The following QTGAL variants were observed in gnomAD, a reference collection of about 807,000 sequenced individuals.
The protein encoded by QTGAL is BGnT-like protein 1.
At chr17:83,028,533 A>G in the QTGAL span, among the ~76,000 whole-genome samples, 1 of 150,912 alleles carries the variant, frequency 6.6e-6, no homozygotes, top group African/African-American at 2.4e-5. Context: ...AAAAAAAAAA[A>G]AAAAAGAAAA....
chr17:82,982,771 C>T, the QTGAL span, among the ~76,000 whole-genome samples: 1 of 152,152 alleles, frequency 6.6e-6, no homozygotes, highest in African/African-American at 2.4e-5. Flanking sequence ...ATGGGACCCT[C>T]GATGTCCTGA....
chr17:83,013,585 G>A, the QTGAL span, among the ~76,000 whole-genome samples: 501 of 151,726 alleles, frequency 3.3e-3, 4 homozygotes, highest in African/African-American at 0.011. Context: ...TCCCAGCGCC[G>A]TGTGGGCCAG....
the QTGAL span, among the ~76,000 whole-genome samples, chr17:82,969,802 C>T: frequency 1.3e-5 from 2 of 152,146 alleles, no homozygotes. Flanking sequence ...GCCTCAGCCT[C>T]CTGAGAAGAT....
chr17:83,013,627 G>C, the QTGAL span, among the ~76,000 whole-genome samples: 1 of 151,676 alleles, frequency 6.6e-6, no homozygotes, highest in South Asian at 2.1e-4. Flanking sequence ...TCTGTGACCT[G>C]ACCAGGATGT....
the QTGAL span, chr17:82,946,841 GAAAC>G: frequency 5.5e-6 from 8 of 1,463,620 alleles, no homozygotes; most frequent in East Asian, 5.0e-5. Flanking sequence ...ACATAATAAA[GAAAC>G]AAACCCAGAT....
chr17:82,995,913 C>G, the QTGAL span, among the ~76,000 whole-genome samples: 1 of 151,334 alleles, frequency 6.6e-6, no homozygotes, highest in Non-Finnish European at 1.5e-5. Flanking sequence ...TTAACTCAAC[C>G]AAAGGAGTGA....
chr17:83,024,027 G>A, the QTGAL span, among the ~76,000 whole-genome samples: 10 of 152,192 alleles, frequency 6.6e-5, no homozygotes, highest in South Asian at 2.1e-4. Flanking sequence ...CTCTAACACC[G>A]GAGATGCCAG....
chr17:83,026,065 G>T, the QTGAL span, among the ~76,000 whole-genome samples: 1 of 152,202 alleles, frequency 6.6e-6, no homozygotes, highest in African/African-American at 2.4e-5. Context: ...ACTTTTCACA[G>T]AAAAGAAAAC....
At chr17:83,048,610 G>T in the QTGAL span, 1 of 1,605,332 alleles carries the variant, frequency 6.2e-7, no homozygotes, top group Non-Finnish European at 8.5e-7. Context: ...ACTTCCCTCC[G>T]AACAGTCAAC....
the QTGAL span, among the ~76,000 whole-genome samples, chr17:82,995,148 T>G: frequency 2.0e-5 from 3 of 152,288 alleles, no homozygotes; most frequent in African/African-American, 7.2e-5. Flanking sequence ...ATGCCTACTG[T>G]CACCACTGTT....
the QTGAL span, among the ~76,000 whole-genome samples, chr17:82,951,296 C>A: frequency 6.6e-6 from 1 of 152,304 alleles, no homozygotes; most frequent in African/African-American, 2.4e-5. Context: ...TTCTGGAGAG[C>A]CTGCTGCCTC....
the QTGAL span, chr17:82,946,936 C>T: frequency 6.4e-7 from 1 of 1,570,004 alleles, no homozygotes; most frequent in Non-Finnish European, 8.6e-7. Context: ...GGCCCTCCTG[C>T]AAGTGCAGTG....
At chr17:82,987,117 GA>G in the QTGAL span, among the ~76,000 whole-genome samples, 2 of 152,060 alleles carry the variant, frequency 1.3e-5, no homozygotes, top group African/African-American at 4.8e-5. Context: ...TGTAGTTCTT[GA>G]AAAAATAATT....
the QTGAL span, among the ~76,000 whole-genome samples, chr17:83,027,699 CAAAAAAA>C: frequency 3.2e-5 from 1 of 31,520 alleles, no homozygotes; most frequent in Non-Finnish European, 6.4e-5. Flanking sequence ...GAGACGCTCT[CAAAAAAA>C]AAAAAAAAAA....
chr17:83,000,734 T>C, the QTGAL span, among the ~76,000 whole-genome samples: 1 of 152,184 alleles, frequency 6.6e-6, no homozygotes, highest in Admixed American at 6.5e-5. Context: ...CCAATACACT[T>C]GCTGAGAAAA....
chr17:82,996,882 T>A, the QTGAL span, among the ~76,000 whole-genome samples: 1 of 152,182 alleles, frequency 6.6e-6, no homozygotes. Flanking sequence ...TTTCACCATA[T>A]GCAAAAATCA....
chr17:82,958,481 T>C, the QTGAL span, among the ~76,000 whole-genome samples: 1 of 152,258 alleles, frequency 6.6e-6, no homozygotes, highest in South Asian at 2.1e-4. Context: ...AGCCTCGGGA[T>C]CGGGGCAGGA....
chr17:83,002,004 C>T, the QTGAL span, among the ~76,000 whole-genome samples: 2 of 151,928 alleles, frequency 1.3e-5, no homozygotes, highest in East Asian at 3.9e-4. Flanking sequence ...TCAAGTGATC[C>T]TCCTGCTTCA....
the QTGAL span, among the ~76,000 whole-genome samples, chr17:83,033,623 C>G: frequency 6.6e-6 from 1 of 151,834 alleles, no homozygotes; most frequent in Non-Finnish European, 1.5e-5. Context: ...AGGCGCCCAC[C>G]ACCACGCCCA....
Sources: gnomAD v4.1 joint callset for allele counts (sites outside exome capture counted in the v4.1 genomes callset) on GRCh38, gnomAD v4.1.1 for gene constraint, MANE v1.5 for transcripts, NCBI Gene and HGNC (gene_info 2026-07-23, HGNC 2026-07-21) for gene names.